The following SLC35F4 variants were observed in gnomAD, a reference collection of about 807,000 sequenced individuals.
SLC35F4 encodes the protein solute carrier family 35 member F4, also known as chromosome 14 open reading frame 36.
Under a neutral mutation model 44.2 loss-of-function variants are expected in SLC35F4, and 24 were observed. The ratio of observed to expected loss-of-function variants is 0.54; its 90% CI spans 0.39 to 0.76. The LOEUF is 0.76. Among genes scored for constraint, SLC35F4 ranks in the 30% least tolerant of loss-of-function variants. SLC35F4 has a pLI of 0.00. For synonymous variants in SLC35F4, 238 were observed against 223.6 expected, an observed-to-expected ratio of 1.06 and a Z score of -0.57; for missense variants, 562 against 586.1, an observed-to-expected ratio of 0.96 and a Z score of 0.42.
At chr14:57,599,317 G>A (rs238384) in intron 1 of SLC35F4, among the ~76,000 whole-genome samples, 105,363 of 152,092 alleles carry the variant, frequency 0.69, 37,406 homozygotes, top group Middle Eastern at 0.78. Context: ...CCCTAGCATC[G>A]CTTGGGAACT....
chr14:57,639,426 T>G, intron 1 of SLC35F4, among the ~76,000 whole-genome samples: 1 of 152,052 alleles, frequency 6.6e-6, no homozygotes. Flanking sequence ...AATATAGTGT[T>G]TTCTGCTTGG....
intron 1 of SLC35F4, among the ~76,000 whole-genome samples, chr14:57,968,852 G>T (rs998442276): frequency 2.6e-5 from 4 of 152,188 alleles, no homozygotes; most frequent in African/African-American, 9.6e-5. Context: ...AAGATGAAAT[G>T]TCAGAAATAT....
intron 1 of SLC35F4, among the ~76,000 whole-genome samples, chr14:57,668,542 T>G (rs2074399151): frequency 6.6e-6 from 1 of 152,162 alleles, no homozygotes; most frequent in Non-Finnish European, 1.5e-5. Context: ...TTCAACTTTC[T>G]GCATATGGCT....
chr14:57,633,086 A>C (rs1459520447), intron 1 of SLC35F4, among the ~76,000 whole-genome samples: 1 of 152,124 alleles, frequency 6.6e-6, no homozygotes, highest in African/African-American at 2.4e-5. Context: ...ACACTCAATA[A>C]TATTCCAATG....
rs1050345869 is a variant in SLC35F4 at position 57,622,806 on chromosome 14, A to C, written c.104-28682T>G. ...GCACATTGTGCACATGTATCCTAAA[A>C]CTTAAAGTATAATAAAAAAATAAAA... On this transcript the variant is annotated intron_variant, in intron 1 of 7. Transcript: ENST00000556826. Among the ~76,000 whole-genome samples, 3 of 152,086 alleles carry C rather than the reference A, an allele frequency of 2.0e-5. No individual in the cohort carries two copies. The South Asian group carries it at 6.2e-4, about 32-fold the overall frequency.
At position 57,736,903 on chromosome 14, in the gene SLC35F4, G is replaced by T. The variant is rs952077991; in HGVS notation, c.103+128820C>A. Among the ~76,000 whole-genome samples the T allele has an allele frequency of 2.0e-5, 3 of 152,070 alleles. No homozygotes were observed. The East Asian group carries it at 5.8e-4, about 29-fold the overall frequency. On this transcript the variant is annotated intron_variant, in intron 1 of 7. Transcript: ENST00000556826. ...TACAGAGTTTTGGGAGCTGCAATTT[G>T]GTTTCATAGCCATCATACTAAACAA...
chr14:57,633,574 T>C (rs1181461413), intron 1 of SLC35F4, among the ~76,000 whole-genome samples: 1 of 152,124 alleles, frequency 6.6e-6, no homozygotes, highest in African/African-American at 2.4e-5. Context: ...AGACTTCCCA[T>C]GTACCCTTCA....
At chr14:57,872,631 C>T (rs1316777158) in intron 1 of SLC35F4, among the ~76,000 whole-genome samples, 1 of 152,128 alleles carries the variant, frequency 6.6e-6, no homozygotes, top group Non-Finnish European at 1.5e-5. Context: ...GCACGTACAA[C>T]CTGAAAGTGC....
At chr14:57,692,809 C>T (rs1486814903) in intron 1 of SLC35F4, among the ~76,000 whole-genome samples, 1 of 151,890 alleles carries the variant, frequency 6.6e-6, no homozygotes, top group Non-Finnish European at 1.5e-5. Context: ...AAGTAACAGG[C>T]CTGTAGTATA....
chr14:57,771,019 C>T (rs2077350736), intron 1 of SLC35F4, among the ~76,000 whole-genome samples: 1 of 152,182 alleles, frequency 6.6e-6, no homozygotes, highest in Non-Finnish European at 1.5e-5. Context: ...AGCCTTCCCC[C>T]ATGGAATTCT....
chr14:57,630,507 C>T, intron 1 of SLC35F4: 1 of 1,092,030 alleles, frequency 9.2e-7, no homozygotes, highest in South Asian at 1.2e-5. Context: ...GCATCTCACA[C>T]CAAAACTAGA....
At chr14:57,814,630 T>C (rs866579681) in intron 1 of SLC35F4, among the ~76,000 whole-genome samples, 27 of 152,212 alleles carry the variant, frequency 1.8e-4, no homozygotes, top group African/African-American at 6.0e-4. Flanking sequence ...GAAATAATAG[T>C]TGCTGCCATG....
At chr14:57,853,727 A>G (rs566570197) in intron 1 of SLC35F4, among the ~76,000 whole-genome samples, 6 of 152,322 alleles carry the variant, frequency 3.9e-5, no homozygotes, top group African/African-American at 1.4e-4. Flanking sequence ...AGCCAGCCTG[A>G]AGCAAGAGAC....
chr14:57,761,005 T>A (rs2077111816), intron 1 of SLC35F4, among the ~76,000 whole-genome samples: 1 of 152,122 alleles, frequency 6.6e-6, no homozygotes, highest in Non-Finnish European at 1.5e-5. Flanking sequence ...TTTTTCTACA[T>A]TCTTAGCTCT....
chr14:57,751,871 T>A (rs2076891610), intron 1 of SLC35F4, among the ~76,000 whole-genome samples: 1 of 152,160 alleles, frequency 6.6e-6, no homozygotes, highest in Non-Finnish European at 1.5e-5. Flanking sequence ...GAATACTGAA[T>A]CTAAATACTG....
intron 1 of SLC35F4, among the ~76,000 whole-genome samples, chr14:57,678,652 T>C (rs1325948729): frequency 6.7e-6 from 1 of 150,028 alleles, no homozygotes; most frequent in Admixed American, 6.7e-5. Context: ...ACACACAGGC[T>C]CAAAATAAAG....
At chr14:57,719,691 T>C (rs980909056) in intron 1 of SLC35F4, among the ~76,000 whole-genome samples, 1 of 152,164 alleles carries the variant, frequency 6.6e-6, no homozygotes, top group Non-Finnish European at 1.5e-5. Context: ...AATTTATTGA[T>C]CAGTTCTAAT....
In SLC35F4 at chr14:57,638,065, C is replaced by T. The variant is rs116257154; in HGVS notation, c.104-43941G>A. Reference sequence around the variant, plus strand: ...CCACCCTCCTCTACATAAGAATAAACTATGTCCTAACCACCACAAGGTTTC... The same window carrying T: ...CCACCCTCCTCTACATAAGAATAAATTATGTCCTAACCACCACAAGGTTTC... On this transcript the variant is annotated intron_variant, in intron 1 of 7. Coordinates refer to ENST00000556826, the MANE Select transcript of SLC35F4 (RefSeq NM_001306087.2). Among the ~76,000 whole-genome samples the T allele has an allele frequency of 7.7e-3, 1,174 of 152,260 alleles. 19 individuals carry two copies. Among genetic ancestry groups the T allele is most frequent in the African/African-American group, 0.027 (1,108 of 41,570 alleles).
chr14:57,824,036 T>C, intron 1 of SLC35F4, among the ~76,000 whole-genome samples: 1 of 152,176 alleles, frequency 6.6e-6, no homozygotes, highest in Non-Finnish European at 1.5e-5. Flanking sequence ...AACAATATTC[T>C]AACATCTGGC....
Sources: gnomAD v4.1 joint callset for allele counts (sites outside exome capture counted in the v4.1 genomes callset) on GRCh38, gnomAD v4.1.1 for gene constraint, MANE v1.5 for transcripts, NCBI Gene and HGNC (gene_info 2026-07-23, HGNC 2026-07-21) for gene names.